PTPRD: variants seen among roughly 807,000 people sequenced by gnomAD.
PTPRD encodes the protein protein tyrosine phosphatase receptor type D, also known as receptor-type tyrosine-protein phosphatase delta.
In PTPRD, 34 loss-of-function variants were observed where a neutral mutation model predicts 214.5. That is an observed-to-expected ratio of 0.16 (90% CI 0.12 to 0.21). PTPRD has a LOEUF of 0.21. PTPRD is among the 10% of genes least tolerant of loss of function. The probability of loss-of-function intolerance (pLI) is 1.00; values close to 1 mark genes in which losing one functional copy is unlikely to be tolerated. For missense variants in PTPRD, 2,545 were observed against 2,398.7 expected, an observed-to-expected ratio of 1.06 and a Z score of -1.27; for synonymous variants, 1,128 against 845.7, an observed-to-expected ratio of 1.33 and a Z score of -5.79.
At chr9:9,259,983 C>G (rs1387229602) in intron 9 of PTPRD, among the ~76,000 whole-genome samples, 3 of 151,796 alleles carry the variant, frequency 2.0e-5, no homozygotes, top group Non-Finnish European at 2.9e-5. Flanking sequence ...GCGAGTAGGC[C>G]TCAAGTAACC....
intron 14 of PTPRD, among the ~76,000 whole-genome samples, chr9:8,544,748 G>A (rs2079506231): frequency 6.6e-6 from 1 of 151,942 alleles, no homozygotes; most frequent in Non-Finnish European, 1.5e-5. Flanking sequence ...TGGGATTACA[G>A]GCATGAGCCA....
intron 11 of PTPRD, among the ~76,000 whole-genome samples, chr9:8,873,772 G>C (rs77175481): frequency 2.6e-5 from 4 of 152,240 alleles, no homozygotes; most frequent in African/African-American, 9.6e-5. Flanking sequence ...ACGTAGGTCT[G>C]CAACCCTGCA....
intron 7 of PTPRD, among the ~76,000 whole-genome samples, chr9:9,705,071 G>T (rs561051431): frequency 1.3e-5 from 2 of 152,214 alleles, no homozygotes; most frequent in East Asian, 3.9e-4. Flanking sequence ...TTTAATGGAA[G>T]CAATGTGAGC....
chr9:9,630,725 T>C lies in PTPRD; in HGVS notation c.-286-55944A>G, dbSNP rs114043643. Among the ~76,000 whole-genome samples, 1,455 of 152,294 alleles carry C rather than the reference T, an allele frequency of 9.6e-3. 23 individuals carry two copies. The highest frequency in any genetic ancestry group is 0.033 in the African/African-American group (1,391 of 41,560). On this transcript the variant is annotated intron_variant, in intron 7 of 45. Coordinates refer to ENST00000381196, the MANE Select transcript of PTPRD (RefSeq NM_002839.4). ...CAAATAGTGGACACTTTTCAATAAA[T>C]TGATTTTATAATATTCACATATTAA...
chr9:9,694,319 C>T (rs1382403943), intron 7 of PTPRD, among the ~76,000 whole-genome samples: 1 of 152,070 alleles, frequency 6.6e-6, no homozygotes, highest in South Asian at 2.1e-4. Flanking sequence ...TAGTGGTACT[C>T]TCTTGGTGGT....
intron 10 of PTPRD, among the ~76,000 whole-genome samples, chr9:9,122,512 C>T (rs2099818563): frequency 6.6e-6 from 1 of 152,106 alleles, no homozygotes; most frequent in Non-Finnish European, 1.5e-5. Context: ...TTAGTCAGAT[C>T]TCCATCTTGG....
At chr9:8,930,245 A>G (rs2098942856) in intron 11 of PTPRD, among the ~76,000 whole-genome samples, 1 of 151,800 alleles carries the variant, frequency 6.6e-6, no homozygotes, top group South Asian at 2.1e-4. Context: ...GTTTGCTGAG[A>G]ATGATGGTTT....
chr9:9,002,294 G>A (rs1317544926), intron 11 of PTPRD, among the ~76,000 whole-genome samples: 2 of 151,718 alleles, frequency 1.3e-5, no homozygotes, highest in African/African-American at 4.8e-5. Context: ...ATGAGGCACT[G>A]AAGTATATTA....
intron 7 of PTPRD, among the ~76,000 whole-genome samples, chr9:9,609,358 G>A (rs1030298430): frequency 2.0e-5 from 3 of 152,046 alleles, no homozygotes; most frequent in Non-Finnish European, 4.4e-5. Flanking sequence ...CATTTCCCAT[G>A]CTACCTTAAA....
intron 12 of PTPRD, among the ~76,000 whole-genome samples, chr9:8,702,603 A>G (rs1425573910): frequency 1.3e-5 from 2 of 152,128 alleles, no homozygotes; most frequent in African/African-American, 4.8e-5. Context: ...AAGCCACAAT[A>G]TAAGAGGTGC....
chr9:8,769,936 T>C (rs763313094), intron 11 of PTPRD, among the ~76,000 whole-genome samples: 8 of 152,072 alleles, frequency 5.3e-5, no homozygotes, highest in Non-Finnish European at 7.4e-5. Context: ...GAATAAGAAA[T>C]GATCTGCCAA....
At chr9:8,776,711 T>C (rs888291502) in intron 11 of PTPRD, among the ~76,000 whole-genome samples, 5 of 151,660 alleles carry the variant, frequency 3.3e-5, no homozygotes, top group African/African-American at 1.2e-4. Context: ...GAGGCAGGGA[T>C]TCCATTCAGA....
At chr9:9,536,622 G>C (rs1016556789) in intron 8 of PTPRD, among the ~76,000 whole-genome samples, 1 of 151,998 alleles carries the variant, frequency 6.6e-6, no homozygotes, top group Non-Finnish European at 1.5e-5. Flanking sequence ...TCCACAGCCT[G>C]AAAGCTTTTG....
intron 10 of PTPRD, among the ~76,000 whole-genome samples, chr9:9,144,684 G>C (rs1163603374): frequency 1.3e-5 from 2 of 151,964 alleles, no homozygotes; most frequent in Non-Finnish European, 2.9e-5. Context: ...ACCTGGGAGG[G>C]GGAGGTTGCA....
chr9:8,547,344 A>C (rs973886682), intron 14 of PTPRD, among the ~76,000 whole-genome samples: 4 of 152,212 alleles, frequency 2.6e-5, no homozygotes, highest in African/African-American at 9.6e-5. Flanking sequence ...TAAAGGAAGA[A>C]AGAAATAAAG....
At chr9:9,842,727 A>G (rs933510745) in intron 5 of PTPRD, among the ~76,000 whole-genome samples, 1 of 151,102 alleles carries the variant, frequency 6.6e-6, no homozygotes, top group African/African-American at 2.4e-5. Context: ...TACCTTGGAC[A>G]GGATTCATCA....
intron 3 of PTPRD, among the ~76,000 whole-genome samples, chr9:10,322,258 C>T (rs1490190082): frequency 6.6e-6 from 1 of 151,962 alleles, no homozygotes; most frequent in African/African-American, 2.4e-5. Context: ...TAAAATGGTG[C>T]AGTGTTGGCA....
At chr9:9,175,622 CAAAAAAAAAAA>C (rs55707715) in intron 10 of PTPRD, among the ~76,000 whole-genome samples, 16 of 45,274 alleles carry the variant, frequency 3.5e-4, no homozygotes, top group Non-Finnish European at 5.9e-4. Flanking sequence ...GACTCTGTCT[CAAAAAAAAAAA>C]AAAAAAAAAA....
chr9:9,188,102 TGACTTCTAACCTATG>T (rs1252596095), intron 9 of PTPRD, among the ~76,000 whole-genome samples: 1 of 152,032 alleles, frequency 6.6e-6, no homozygotes, highest in African/African-American at 2.4e-5. Flanking sequence ...AACACCATCT[TGACTTCTAACCTATG>T]GTTTAGGGTT....
Sources: allele counts gnomAD v4.1 joint callset (sites outside exome capture counted in the v4.1 genomes callset), GRCh38; gene constraint gnomAD v4.1.1; transcripts MANE v1.5; gene names NCBI Gene and HGNC (gene_info 2026-07-23, HGNC 2026-07-21).